The following RASGRF2 variants were observed in gnomAD, a reference collection of about 807,000 sequenced individuals.
RASGRF2 encodes ras-specific guanine nucleotide-releasing factor 2.
In RASGRF2, 76 loss-of-function variants were observed where a neutral mutation model predicts 151.0. The observed-to-expected ratio is 0.50, with a 90% confidence interval of 0.42 to 0.61. RASGRF2 has a LOEUF of 0.61. RASGRF2 is among the 20% of genes least tolerant of loss of function. RASGRF2 has a pLI of 0.00. For missense variants in RASGRF2, 1,148 were observed against 1,564.6 expected, an observed-to-expected ratio of 0.73 and a Z score of 4.49; for synonymous variants, 504 against 566.5, an observed-to-expected ratio of 0.89 and a Z score of 1.57.
At chr5:81,099,383 T>C (rs1752634324) in intron 12 of RASGRF2, among the ~76,000 whole-genome samples, 1 of 152,214 alleles carries the variant, frequency 6.6e-6, no homozygotes, top group Non-Finnish European at 1.5e-5. Context: ...TAATTGAGCG[T>C]TGAGTGTATG....
chr5:81,162,202 G>A (rs1223093341), intron 17 of RASGRF2, among the ~76,000 whole-genome samples: 1 of 151,700 alleles, frequency 6.6e-6, no homozygotes, highest in South Asian at 2.1e-4. Flanking sequence ...GGGGTGGTGG[G>A]GGACATGGGG....
At chr5:81,036,473 A>C (rs897235771) in intron 1 of RASGRF2, among the ~76,000 whole-genome samples, 1 of 152,020 alleles carries the variant, frequency 6.6e-6, no homozygotes, top group Non-Finnish European at 1.5e-5. Flanking sequence ...CACTATTTTT[A>C]CTTTTACTTT....
At chr5:81,118,910 T>G (rs888445139) in intron 15 of RASGRF2, among the ~76,000 whole-genome samples, 4 of 152,226 alleles carry the variant, frequency 2.6e-5, no homozygotes, top group African/African-American at 9.6e-5. Context: ...ATGGCTTTTA[T>G]GCCAGTTTTC....
chr5:81,050,187 A>T (rs1215532698), intron 2 of RASGRF2, among the ~76,000 whole-genome samples: 1 of 152,032 alleles, frequency 6.6e-6, no homozygotes, highest in Admixed American at 6.6e-5. Context: ...ATCAACACTG[A>T]TTGCCTGTCC....
chr5:80,983,269 G>A (rs1427358980), intron 1 of RASGRF2, among the ~76,000 whole-genome samples: 5 of 152,212 alleles, frequency 3.3e-5, no homozygotes, highest in Non-Finnish European at 1.5e-5. Flanking sequence ...TGGGATCTCT[G>A]CTGTGGCAAC....
At position 81,137,459 on chromosome 5, in the gene RASGRF2, A is replaced by G. The variant is rs149110779; in HGVS notation, c.2686+10296A>G. ...CTAATAATTCCCAGGTCTTTGTCAT[A>G]TCTGAGTCTGATTCTGATGCTTGCT... On this transcript the variant is annotated intron_variant, in intron 17 of 26. Coordinates refer to ENST00000265080, the MANE Select transcript of RASGRF2 (RefSeq NM_006909.3). 5.9e-5 allele frequency among the ~76,000 whole-genome samples: 9 copies of G among 152,308 alleles called. No individual in the cohort carries two copies. The East Asian group carries it at 9.6e-4, about 16-fold the overall frequency.
intron 15 of RASGRF2, among the ~76,000 whole-genome samples, chr5:81,117,573 CA>C: frequency 6.6e-6 from 1 of 152,320 alleles, no homozygotes; most frequent in Middle Eastern, 3.4e-3. Context: ...TTGGGGGAAA[CA>C]TTCAAACCAT....
rs761813093 is a variant in RASGRF2, at chr5:81,109,062, G to A, written c.1822G>A (p.Val608Met). 3 of 1,610,624 alleles carry A rather than the reference G, an allele frequency of 1.9e-6. No homozygotes were observed. Among genetic ancestry groups the A allele is most frequent in the Admixed American group, 1.7e-5 (1 of 59,950 alleles). The change falls in exon 13 of 27, where the codon GTG (valine) becomes ATG (methionine). Residue 608 changes from valine to methionine, a missense_variant. This residue lies in a region of RASGRF2 where 646 missense variants were observed against 807.4 expected (regional missense o/e 0.80). Transcript: ENST00000265080. ...IVFEENSKVTVPHMIKSDARL... is the reference protein window; with the variant it reads ...IVFEENSKVTMPHMIKSDARL... ...GTTTGAAGAGAATTCCAAAGTCACT[G>A]TGCCACATATGATTAAGTAAGTGTG... is the stretch of plus-strand genomic sequence containing the variant.
At chr5:81,195,241 G>C (rs1213301110) in intron 18 of RASGRF2, among the ~76,000 whole-genome samples, 3 of 151,680 alleles carry the variant, frequency 2.0e-5, no homozygotes, top group Non-Finnish European at 4.4e-5. Context: ...TCTTGTGGGC[G>C]CCTCGATTGC....
At chr5:81,018,403 G>A (rs1400526614) in intron 1 of RASGRF2, among the ~76,000 whole-genome samples, 1 of 152,142 alleles carries the variant, frequency 6.6e-6, no homozygotes, top group Non-Finnish European at 1.5e-5. Context: ...GTGGCAGCAA[G>A]TCAGATTTAG....
intron 17 of RASGRF2, among the ~76,000 whole-genome samples, chr5:81,168,244 A>G (rs1754558350): frequency 6.9e-6 from 1 of 144,818 alleles, no homozygotes; most frequent in Non-Finnish European, 1.5e-5. Flanking sequence ...CCTTTTCTCT[A>G]TTGACATCAA....
intron 16 of RASGRF2, among the ~76,000 whole-genome samples, chr5:81,124,168 C>T (rs900450115): frequency 5.9e-5 from 9 of 152,084 alleles, no homozygotes; most frequent in South Asian, 2.1e-4. Context: ...AAATACTACA[C>T]GATTTTATAT....
At chr5:81,064,110 TGGC>T (rs1410402194) in intron 2 of RASGRF2, among the ~76,000 whole-genome samples, 1 of 152,226 alleles carries the variant, frequency 6.6e-6, no homozygotes, top group Non-Finnish European at 1.5e-5. Context: ...ATCAAGGTGT[TGGC>T]CAGGTCTGTA....
At chr5:81,091,773 T>C (rs1483611988) in intron 9 of RASGRF2, among the ~76,000 whole-genome samples, 1 of 152,160 alleles carries the variant, frequency 6.6e-6, no homozygotes, top group Non-Finnish European at 1.5e-5. Context: ...GAAAAATGTA[T>C]GAAGAGGAAA....
At chr5:81,100,557 A>G (rs915471632) in intron 12 of RASGRF2, among the ~76,000 whole-genome samples, 5 of 152,184 alleles carry the variant, frequency 3.3e-5, no homozygotes, top group Non-Finnish European at 5.9e-5. Flanking sequence ...TCATCTATTT[A>G]TAGGGAACGA....
chr5:81,185,280 C>G (rs1755002319), intron 18 of RASGRF2, among the ~76,000 whole-genome samples: 1 of 152,162 alleles, frequency 6.6e-6, no homozygotes, highest in Admixed American at 6.5e-5. Flanking sequence ...CAGCTAGCCT[C>G]CGTGTTAAGG....
chr5:81,194,435 T>C (rs1260784344), intron 18 of RASGRF2, among the ~76,000 whole-genome samples: 7 of 151,012 alleles, frequency 4.6e-5, no homozygotes, highest in African/African-American at 1.7e-4. Context: ...GTTTTTTGTT[T>C]TTTGTTCTTT....
intron 17 of RASGRF2, among the ~76,000 whole-genome samples, chr5:81,168,677 A>G (rs774641673): frequency 3.9e-5 from 6 of 152,084 alleles, no homozygotes; most frequent in Non-Finnish European, 7.4e-5. Context: ...TCAAAGCACA[A>G]TGTGTTGAAA....
intron 10 of RASGRF2, 82 bp from the exon 11 acceptor site, chr5:81,094,214 T>C (rs1752472479): frequency 1.8e-6 from 2 of 1,118,738 alleles, no homozygotes; most frequent in Non-Finnish European, 2.6e-6. Context: ...CCATGGCAAC[T>C]TGAATATAGT....
Sources: allele counts gnomAD v4.1 joint callset (sites outside exome capture counted in the v4.1 genomes callset), GRCh38; gene constraint gnomAD v4.1.1; regional missense constraint gnomAD v4.1.1; transcripts MANE v1.5; gene names NCBI Gene and HGNC (gene_info 2026-07-23, HGNC 2026-07-21).